ADCY8: variants seen among roughly 807,000 people sequenced by gnomAD.
ADCY8 encodes the protein adenylate cyclase type 8.
A neutral mutation model predicts 119.7 loss-of-function variants in ADCY8; 51 were observed. The ratio of observed to expected loss-of-function variants is 0.43; its 90% CI spans 0.34 to 0.54. ADCY8 has a LOEUF of 0.54. Ranked by LOEUF, ADCY8 falls within the 20% of genes least tolerant of loss-of-function variation. The pLI, the probability that ADCY8 is intolerant of heterozygous loss-of-function variation, is 0.03. For synonymous variants in ADCY8, 665 were observed against 651.0 expected, an observed-to-expected ratio of 1.02 and a Z score of -0.33; for missense variants, 1,383 against 1,598.8, an observed-to-expected ratio of 0.87 and a Z score of 2.30.
At chr8:130,841,125 G>A (rs1817127701) in intron 11 of ADCY8, among the ~76,000 whole-genome samples, 1 of 152,128 alleles carries the variant, frequency 6.6e-6, no homozygotes. Context: ...GCTGGGTTGG[G>A]GATGTCTGTA....
chr8:130,883,219 A>G (rs1185200625), intron 8 of ADCY8, among the ~76,000 whole-genome samples: 1 of 152,198 alleles, frequency 6.6e-6, no homozygotes, highest in Non-Finnish European at 1.5e-5. Context: ...GGACACAGGT[A>G]TTTACACAAG....
At chr8:130,937,765 G>A (rs1820832350) in intron 4 of ADCY8, among the ~76,000 whole-genome samples, 1 of 152,074 alleles carries the variant, frequency 6.6e-6, no homozygotes, top group South Asian at 2.1e-4. Context: ...TTTGTTCATT[G>A]AAAAAATTAA....
intron 7 of ADCY8, among the ~76,000 whole-genome samples, chr8:130,888,020 C>G (rs564683993): frequency 6.6e-6 from 1 of 151,980 alleles, no homozygotes; most frequent in African/African-American, 2.4e-5. Flanking sequence ...AGCACCAGTG[C>G]GAGCTAGACT....
At chr8:130,831,029 C>A (rs527485276) in intron 12 of ADCY8, among the ~76,000 whole-genome samples, 1 of 152,230 alleles carries the variant, frequency 6.6e-6, no homozygotes, top group East Asian at 1.9e-4. Context: ...TGCTTTGGAA[C>A]AAGCCAGAAG....
intron 12 of ADCY8, among the ~76,000 whole-genome samples, chr8:130,830,068 T>C (rs1050139494): frequency 2.0e-5 from 3 of 152,116 alleles, no homozygotes; most frequent in Non-Finnish European, 4.4e-5. Context: ...GCACTTAGGG[T>C]TACCAATCCA....
intron 2 of ADCY8, among the ~76,000 whole-genome samples, chr8:130,984,813 G>A (rs1195259984): frequency 1.3e-5 from 2 of 152,192 alleles, no homozygotes; most frequent in Non-Finnish European, 2.9e-5. Flanking sequence ...ATCATGAACA[G>A]GCCGAGCTGG....
chr8:130,795,330 A>G (rs1815547105), intron 15 of ADCY8, among the ~76,000 whole-genome samples: 1 of 152,244 alleles, frequency 6.6e-6, no homozygotes, highest in Non-Finnish European at 1.5e-5. Context: ...TGCAGGGTCC[A>G]GTGCAAAATG....
intron 1 of ADCY8, among the ~76,000 whole-genome samples, chr8:131,005,811 G>T (rs1455233323): frequency 6.6e-6 from 1 of 152,102 alleles, no homozygotes; most frequent in Non-Finnish European, 1.5e-5. Flanking sequence ...CCATAGGAGT[G>T]GAAACAGCTT....
At chr8:130,999,804 C>T (rs1282720784) in intron 1 of ADCY8, among the ~76,000 whole-genome samples, 1 of 152,128 alleles carries the variant, frequency 6.6e-6, no homozygotes, top group Non-Finnish European at 1.5e-5. Flanking sequence ...TGGATCTGGG[C>T]CTTGAGTTCA....
chr8:130,800,552 A>G lies in ADCY8; in HGVS notation c.2934T>C (p.Tyr978=). ...AGGCAAACATCACCCCAACAGCATCATAGGATTGAGAATACAGCTCCTGGA... is the reference window on the plus strand; with the variant it reads ...AGGCAAACATCACCCCAACAGCATCGTAGGATTGAGAATACAGCTCCTGGA... ...RDNEELYSQS[Y]DAVGVMFASI... Residue 978 remains tyrosine (Y), a synonymous_variant, in exon 15 of 18, where the codon TAT becomes TAC. Transcript: ENST00000286355. 3.1e-6 allele frequency: 5 copies of G among 1,614,114 alleles called. No homozygotes were observed. Among genetic ancestry groups the G allele is most frequent in the Non-Finnish European group, 4.2e-6 (5 of 1,179,978 alleles).
intron 9 of ADCY8, among the ~76,000 whole-genome samples, chr8:130,861,978 T>C (rs1586496682): frequency 6.6e-6 from 1 of 152,204 alleles, no homozygotes; most frequent in South Asian, 2.1e-4. Context: ...TTAACCACTA[T>C]TGTTTGATTT....
chr8:130,912,918 C>T (rs1483014768), intron 5 of ADCY8, among the ~76,000 whole-genome samples: 1 of 152,122 alleles, frequency 6.6e-6, no homozygotes, highest in Non-Finnish European at 1.5e-5. Flanking sequence ...AGGAGCACAT[C>T]AGTTTCTGAG....
intron 2 of ADCY8, among the ~76,000 whole-genome samples, chr8:130,979,588 C>T (rs146890773): frequency 0.029 from 4,481 of 151,984 alleles, 90 homozygotes; most frequent in Admixed American, 0.044. Context: ...TGAAGGACAT[C>T]GTAGCATAAT....
intron 14 of ADCY8, among the ~76,000 whole-genome samples, chr8:130,802,168 G>T (rs765845242): frequency 1.3e-5 from 2 of 152,064 alleles, no homozygotes; most frequent in Non-Finnish European, 2.9e-5. Flanking sequence ...AACTAAGCCT[G>T]TGTCTACTGC....
At chr8:130,807,341 C>T (rs1453377735) in intron 14 of ADCY8, among the ~76,000 whole-genome samples, 1 of 152,204 alleles carries the variant, frequency 6.6e-6, no homozygotes, top group East Asian at 1.9e-4. Flanking sequence ...GATCAAATGT[C>T]ACCTCCTTAG....
Position 131,039,646 on chromosome 8 carries a change from C to T in ADCY8, c.688G>A (p.Val230Met), listed in dbSNP as rs532904783. The change falls in exon 1 of 18, where the codon GTG becomes ATG. Residue 230 changes from valine (V) to methionine (M), a missense_variant. Val to Met is a conservative substitution (Grantham distance 21). This residue lies in a region of ADCY8 where 455 missense variants were observed against 435.3 expected (regional missense o/e 1.05). Coordinates refer to ENST00000286355, the MANE Select transcript of ADCY8 (RefSeq NM_001115.3). Reference protein sequence around the residue: ...TGIEVVICALVVVRKDTTSHT... With the variant: ...TGIEVVICALMVVRKDTTSHT... ...GAGGTGGTGTCCTTCCTGACCACCACCAGGGCGCAGATCACTACCTCAATG... is the reference window on the plus strand; with the variant it reads ...GAGGTGGTGTCCTTCCTGACCACCATCAGGGCGCAGATCACTACCTCAATG... 6.2e-7 allele frequency: 1 copy of T among 1,614,140 alleles called. No homozygotes were observed. The highest frequency in any genetic ancestry group is 1.1e-5 in the South Asian group (1 of 91,078).
chr8:131,011,264 C>A (rs962759213), intron 1 of ADCY8, among the ~76,000 whole-genome samples: 2 of 152,060 alleles, frequency 1.3e-5, no homozygotes, highest in Non-Finnish European at 2.9e-5. Flanking sequence ...CATGTGGACA[C>A]AGGGACATTT....
chr8:131,031,804 C>T (rs1824005574), intron 1 of ADCY8, among the ~76,000 whole-genome samples: 1 of 152,062 alleles, frequency 6.6e-6, no homozygotes, highest in Non-Finnish European at 1.5e-5. Context: ...ATAAATTACA[C>T]AGTCTCAGGT....
rs148980427 is a variant in ADCY8, at chr8:130,980,106, C to T, written c.1110+10287G>A. On this transcript the variant is annotated intron_variant, in intron 2 of 17. Transcript: ENST00000286355. ...TGGCTGCCAGCAGTCCTTGCAGATG[C>T]CTCGCTCCAACCTCTGCCTCTGTCT... Among the ~76,000 whole-genome samples, 1,066 of 152,220 alleles carry T rather than the reference C, an allele frequency of 7.0e-3. 17 individuals carry two copies. The highest frequency in any genetic ancestry group is 0.024 in the African/African-American group (989 of 41,518).
Sources: gnomAD v4.1 joint callset for allele counts (sites outside exome capture counted in the v4.1 genomes callset) on GRCh38, gnomAD v4.1.1 for gene constraint, gnomAD v4.1.1 regional missense constraint, MANE v1.5 for transcripts, NCBI Gene and HGNC (gene_info 2026-07-23, HGNC 2026-07-21) for gene names.